RBMS3: variants seen among roughly 807,000 people sequenced by gnomAD.
RBMS3 encodes the protein RNA-binding motif, single-stranded-interacting protein 3.
A neutral mutation model predicts 66.8 loss-of-function variants in RBMS3; 27 were observed. The observed-to-expected ratio is 0.40, with a 90% CI of 0.30 to 0.56. The LOEUF (loss-of-function observed/expected upper bound fraction) is 0.56, where lower values mean the gene tolerates loss of function less well. Ranked by LOEUF, RBMS3 falls within the 20% of genes least tolerant of loss-of-function variation. RBMS3 has a pLI of 0.40. For synonymous variants in RBMS3, 188 were observed against 183.0 expected, an observed-to-expected ratio of 1.03 and a Z score of -0.22; for missense variants, 513 against 549.5, an observed-to-expected ratio of 0.93 and a Z score of 0.66.
At chr3:29,928,180 TTATATA>T (rs1199975605) in intron 10 of RBMS3, among the ~76,000 whole-genome samples, 29 of 102,568 alleles carry the variant, frequency 2.8e-4, no homozygotes, top group South Asian at 1.4e-3. Context: ...TCTTCAAATT[TTATATA>T]TATATATATA....
At chr3:29,606,725 T>C (rs1018729290) in intron 4 of RBMS3, among the ~76,000 whole-genome samples, 4 of 152,042 alleles carry the variant, frequency 2.6e-5, no homozygotes, top group Non-Finnish European at 4.4e-5. Context: ...TGAGTTTTTC[T>C]GTATTGTTCC....
Position 30,006,109 on chromosome 3 carries a change from AG to A in RBMS3, c.*2249del, listed in dbSNP as rs1436816905. ...TCTGAATGAATCCTTTGAATCAAAT[AG>A]GTGAAACTCTTTTCAAAAACTAAGT... On this transcript the variant is annotated 3_prime_UTR_variant, in exon 15 of 15. Transcript: ENST00000383767. 2 of 151,938 alleles carry A rather than the reference AG, an allele frequency of 1.3e-5. No individual in the cohort carries two copies. Among genetic ancestry groups the A allele is most frequent in the African/African-American group, 4.8e-5 (2 of 41,436 alleles). The allele number at this position is 151,938 out of a possible 1,614,324, so 9.4% of individuals were successfully genotyped here.
chr3:29,359,501 A>G (rs1207884162), intron 1 of RBMS3, among the ~76,000 whole-genome samples: 8 of 152,144 alleles, frequency 5.3e-5, no homozygotes, highest in Non-Finnish European at 5.9e-5. Context: ...ATTGGTCTAA[A>G]ATTCTCTTTT....
chr3:29,331,927 TG>T lies in RBMS3; in HGVS notation c.75+50172del. On this transcript the variant is annotated intron_variant, in intron 1 of 14. Transcript: ENST00000383767. ...CTATTAGAGCACAGGCCACATACTATGTCCAATTATAGAATTTGTCTCTCAA... is the reference window on the plus strand; with the variant it reads ...CTATTAGAGCACAGGCCACATACTATTCCAATTATAGAATTTGTCTCTCAA... 4.0e-5 allele frequency among the ~76,000 whole-genome samples: 6 copies of T among 150,940 alleles called. 1 individual carries two copies. The Admixed American group carries it at 4.0e-4, about 10-fold the overall frequency.
At chr3:29,708,663 A>T (rs2053018285) in intron 4 of RBMS3, among the ~76,000 whole-genome samples, 1 of 152,172 alleles carries the variant, frequency 6.6e-6, no homozygotes, top group Admixed American at 6.5e-5. Flanking sequence ...CTTGGCACTG[A>T]AGTGGGTGGC....
intron 1 of RBMS3, among the ~76,000 whole-genome samples, chr3:29,347,521 A>G (rs956896380): frequency 7.2e-5 from 11 of 152,166 alleles, no homozygotes; most frequent in African/African-American, 2.4e-4. Flanking sequence ...GTTATTATCT[A>G]TGGGTGTGTG....
At chr3:29,784,502 C>G (rs551175104) in intron 6 of RBMS3, among the ~76,000 whole-genome samples, 1 of 152,044 alleles carries the variant, frequency 6.6e-6, no homozygotes, top group African/African-American at 2.4e-5. Context: ...AATAGTAACA[C>G]AACCTATCAA....
intron 4 of RBMS3, among the ~76,000 whole-genome samples, chr3:29,659,801 C>T (rs1341227856): frequency 1.3e-5 from 2 of 152,108 alleles, no homozygotes; most frequent in African/African-American, 4.8e-5. Flanking sequence ...TTTTGAGGAA[C>T]TGCCATATTG....
chr3:29,382,759 A>G (rs1389189693), intron 1 of RBMS3, among the ~76,000 whole-genome samples: 1 of 152,176 alleles, frequency 6.6e-6, no homozygotes, highest in Non-Finnish European at 1.5e-5. Flanking sequence ...TTTCTATACT[A>G]CCACCGTTTA....
chr3:29,687,953 C>T (rs2051804595), intron 4 of RBMS3, among the ~76,000 whole-genome samples: 2 of 152,112 alleles, frequency 1.3e-5, no homozygotes, highest in South Asian at 4.1e-4. Context: ...TTTGATATGT[C>T]TTGCCACAAA....
rs1223605352 is a variant in RBMS3, at chr3:29,281,322, C to G, written c.-360C>G. 3.8e-6 allele frequency: 1 copy of G among 261,746 alleles called. No individual in the cohort carries two copies. The highest frequency in any genetic ancestry group is 7.1e-6 in the Non-Finnish European group (1 of 140,370). The allele number at this position is 261,746 out of a possible 1,614,324, so 16.2% of individuals were successfully genotyped here. ...CTAAAAGGACTTTGATTTTTTTCCC[C>G]CTTTACGAACGCTGGCAATTGACAT... On this transcript the variant is annotated 5_prime_UTR_variant, in exon 1 of 15. Transcript: ENST00000383767.
At chr3:29,739,225 G>T (rs931099529) in intron 4 of RBMS3, among the ~76,000 whole-genome samples, 1 of 152,104 alleles carries the variant, frequency 6.6e-6, no homozygotes, top group Non-Finnish European at 1.5e-5. Context: ...AGGCCGAGGT[G>T]GGCGGATCAC....
chr3:29,565,756 T>A (rs1339445034), intron 3 of RBMS3, among the ~76,000 whole-genome samples: 1 of 152,164 alleles, frequency 6.6e-6, no homozygotes, highest in Non-Finnish European at 1.5e-5. Context: ...AAAAGGTAGT[T>A]CTTTATGAAA....
At chr3:29,766,051 A>T (rs2055913539) in intron 6 of RBMS3, 1 of 152,068 alleles carries the variant, frequency 6.6e-6, no homozygotes, top group African/African-American at 2.4e-5. Context: ...GGAATTCAAG[A>T]TGAGATTTGG....
intron 3 of RBMS3, among the ~76,000 whole-genome samples, chr3:29,561,574 T>G (rs1428552192): frequency 6.6e-6 from 1 of 152,106 alleles, no homozygotes; most frequent in Non-Finnish European, 1.5e-5. Context: ...TGCCTCAGCC[T>G]CCTGAGTAGC....
At position 29,763,640 on chromosome 3, in the gene RBMS3, T is replaced by C. The variant is rs146391191; in HGVS notation, c.637+651T>C. Among the ~76,000 whole-genome samples, 123 of 152,196 alleles carry C rather than the reference T, an allele frequency of 8.1e-4. 1 individual carries two copies. Among genetic ancestry groups the C allele is most frequent in the African/African-American group, 2.9e-3 (120 of 41,556 alleles). ...TTATACACATTATAAAGTGTTCTAATTTTATGCTATTAAGAATTGCATTAA... is the reference window on the plus strand; with the variant it reads ...TTATACACATTATAAAGTGTTCTAACTTTATGCTATTAAGAATTGCATTAA... On this transcript the variant is annotated intron_variant, in intron 6 of 14. Coordinates refer to ENST00000383767, the MANE Select transcript of RBMS3 (RefSeq NM_001003793.3).
rs372479472 is a variant in RBMS3, at chr3:29,995,148, C to T, written c.1307+3939C>T. ...AATGCAGAAGCCTCAGGAGCCGATG[C>T]GATCAACTGGAAGAAAGGGGATCAG... On this transcript the variant is annotated intron_variant, in intron 14 of 14. Coordinates refer to ENST00000383767, the MANE Select transcript of RBMS3 (RefSeq NM_001003793.3). Among the ~76,000 whole-genome samples the T allele has an allele frequency of 2.6e-4, 39 of 152,110 alleles. No homozygotes were observed. In the East Asian group the frequency reaches 5.0e-3, roughly 20 times the overall value.
At chr3:29,497,969 A>ATCCTTTTTTTTT (rs1553611689) in intron 3 of RBMS3, among the ~76,000 whole-genome samples, 1 of 59,280 alleles carries the variant, frequency 1.7e-5, no homozygotes, top group Non-Finnish European at 3.4e-5. Context: ...CTCTAAAAGT[A>ATCCTTTTTTTTT]TTCATTTTTT....
At chr3:29,872,753 C>A (rs1293374338) in intron 7 of RBMS3, among the ~76,000 whole-genome samples, 1 of 152,128 alleles carries the variant, frequency 6.6e-6, no homozygotes, top group Non-Finnish European at 1.5e-5. Flanking sequence ...TACTGGCTGG[C>A]ACAGCAGGAT....
Sources: gnomAD v4.1 joint callset for allele counts (sites outside exome capture counted in the v4.1 genomes callset) on GRCh38, gnomAD v4.1.1 for gene constraint, MANE v1.5 for transcripts, NCBI Gene and HGNC (gene_info 2026-07-23, HGNC 2026-07-21) for gene names.